Variants in MYO3B observed in about 807,000 individuals in gnomAD.
MYO3B encodes myosin IIIB.
A neutral mutation model predicts 174.6 loss-of-function variants in MYO3B; 156 were observed. That is an observed-to-expected ratio of 0.89 (90% CI 0.78 to 1.02). The LOEUF is 1.02. Ranked by LOEUF, MYO3B falls within the 50% of genes least tolerant of loss-of-function variation. The pLI, the probability that MYO3B is intolerant of heterozygous loss-of-function variation, is 0.00. For missense variants in MYO3B, 1,632 were observed against 1,639.4 expected (o/e 1.00, Z 0.08); for synonymous variants, 563 against 569.1 (o/e 0.99, Z 0.15).
Position 170,392,444 on chromosome 2 carries a change from A to G in MYO3B, c.1740A>G (p.Arg580=). The G allele has an allele frequency of 6.2e-7, 1 of 1,600,356 alleles. No individual in the cohort carries two copies. Among genetic ancestry groups the G allele is most frequent in the Non-Finnish European group, 8.5e-7 (1 of 1,171,586 alleles). Residue 580 remains arginine (R), a synonymous_variant, in exon 16 of 35, where the codon AGA becomes AGG. Transcript: ENST00000408978. Reference sequence around the variant, plus strand: ...TAACTTCCAAGGAGTCTTACAGAAGACAATTCGAAGCAATTCAGCATTGCT... The same window carrying G: ...TAACTTCCAAGGAGTCTTACAGAAGGCAATTCGAAGCAATTCAGCATTGCT... The part of the protein sequence containing the change: ...HDITSKESYR[R]QFEAIQHCFR...
intron 25 of MYO3B, among the ~76,000 whole-genome samples, chr2:170,480,273 C>T (rs535247882): frequency 7.2e-5 from 11 of 152,172 alleles, no homozygotes; most frequent in Middle Eastern, 6.8e-3. Flanking sequence ...ATAAGACCCT[C>T]CCCAGAGAGG....
intron 22 of MYO3B, among the ~76,000 whole-genome samples, chr2:170,411,324 G>A (rs546840804): frequency 2.0e-3 from 297 of 152,198 alleles, no homozygotes; most frequent in Non-Finnish European, 3.2e-3. Flanking sequence ...ACATCATAGA[G>A]TTCTTACACA....
At chr2:170,369,685 ATTT>A (rs56283055) in intron 9 of MYO3B, among the ~76,000 whole-genome samples, 722 of 147,230 alleles carry the variant, frequency 4.9e-3, no homozygotes, top group Admixed American at 5.2e-3. Context: ...AGAAATTTGG[ATTT>A]TTTTTTTTTT....
rs945645001 is a variant in MYO3B at position 170,519,370 on chromosome 2, G to A, written c.3473-68G>A. 1.1e-5 allele frequency: 14 copies of A among 1,252,440 alleles called. 1 individual carries two copies. The South Asian group carries it at 1.6e-4, about 15-fold the overall frequency. The allele number at this position is 1,252,440 out of a possible 1,614,324, so 77.6% of individuals were successfully genotyped here. A position where few individuals can be genotyped will look rare whatever the true frequency, so the allele number is the denominator to read the frequency against. On this transcript the variant is annotated intron_variant, in intron 29 of 34. Transcript: ENST00000408978. ...GGAGAGAAGGGCTGCAGAGAGTGTA[G>A]ATGGGCACCAAAAGCTAACCCTACC...
At position 170,214,423 on chromosome 2, in the gene MYO3B, C is replaced by T. The variant is rs767508093; in HGVS notation, c.366C>T (p.Leu122=). Residue 122 remains leucine (L), a synonymous_variant, in exon 4 of 35, where the codon CTC becomes CTT. Transcript: ENST00000408978. ...TCACTGAGCTTGTCAAAGGTCTACT[C>T]AGATGTGGCCAGCGGTTGGATGAAG... is the stretch of plus-strand genomic sequence containing the variant. ...GSVTELVKGL[L]RCGQRLDEAM... 1.9e-6 allele frequency: 3 copies of T among 1,614,170 alleles called. No homozygotes were observed. Among genetic ancestry groups the T allele is most frequent in the Non-Finnish European group, 2.5e-6 (3 of 1,180,018 alleles).
intron 8 of MYO3B, chr2:170,346,526 A>C (rs948270933): frequency 3.9e-5 from 6 of 152,092 alleles, no homozygotes; most frequent in African/African-American, 1.4e-4. Flanking sequence ...ATTAATATGA[A>C]ACCATAAAAC....
chr2:170,307,385 G>A (rs182146821), intron 7 of MYO3B, among the ~76,000 whole-genome samples: 241 of 151,656 alleles, frequency 1.6e-3, no homozygotes, highest in African/African-American at 5.5e-3. Flanking sequence ...AACAGATAAC[G>A]AATTGTGTCT....
At chr2:170,444,779 TA>T (rs1574989320) in intron 23 of MYO3B, among the ~76,000 whole-genome samples, 1 of 152,226 alleles carries the variant, frequency 6.6e-6, no homozygotes, top group African/African-American at 2.4e-5. Context: ...CATTTTTTGT[TA>T]AAAATAATTT....
intron 30 of MYO3B, among the ~76,000 whole-genome samples, chr2:170,536,113 A>G (rs1164186882): frequency 6.6e-6 from 1 of 152,230 alleles, no homozygotes; most frequent in African/African-American, 2.4e-5. Context: ...GGAAAAGAAA[A>G]CAAATGAGAA....
chr2:170,258,067 C>T (rs142936376), intron 7 of MYO3B, among the ~76,000 whole-genome samples: 2 of 152,030 alleles, frequency 1.3e-5, no homozygotes, highest in African/African-American at 2.4e-5. Flanking sequence ...AATTGAATCA[C>T]TATTTAAAAA....
intron 32 of MYO3B, among the ~76,000 whole-genome samples, chr2:170,598,250 G>A (rs186747992): frequency 2.4e-4 from 36 of 152,310 alleles, no homozygotes; most frequent in Admixed American, 3.9e-4. Context: ...GTATTCAAAT[G>A]GTTCTGTTTA....
At chr2:170,258,829 C>T (rs933492043) in intron 7 of MYO3B, among the ~76,000 whole-genome samples, 2 of 152,016 alleles carry the variant, frequency 1.3e-5, no homozygotes, top group African/African-American at 4.8e-5. Context: ...AAAGACTCCA[C>T]CTAAAAGGCT....
chr2:170,627,607 T>C (rs1357291938), intron 32 of MYO3B, among the ~76,000 whole-genome samples: 4 of 152,250 alleles, frequency 2.6e-5, no homozygotes, highest in Non-Finnish European at 5.9e-5. Context: ...GCTGTGTTCC[T>C]TTGGAAGAGG....
At position 170,580,624 on chromosome 2, in the gene MYO3B, C is replaced by T. The variant is rs1693070336; in HGVS notation, c.3733+36636C>T. Among the ~76,000 whole-genome samples the T allele has an allele frequency of 3.3e-5, 5 of 151,438 alleles. No individual in the cohort carries two copies. In the South Asian group the frequency reaches 1.0e-3, roughly 32 times the overall value. Reference sequence around the variant, plus strand: ...CTGCACTCCAGCCAGGGTGACAGAGCGAGATCCGTCTCAAAAACAAAAACA... The same window carrying T: ...CTGCACTCCAGCCAGGGTGACAGAGTGAGATCCGTCTCAAAAACAAAAACA... On this transcript the variant is annotated intron_variant, in intron 32 of 34. Transcript: ENST00000408978.
At chr2:170,577,108 TG>T (rs113905875) in intron 32 of MYO3B, among the ~76,000 whole-genome samples, 67,198 of 151,892 alleles carry the variant, frequency 0.44, 15,211 homozygotes, top group East Asian at 0.63. Context: ...GTGGAACCAT[TG>T]TTGCATCCCT....
intron 7 of MYO3B, among the ~76,000 whole-genome samples, chr2:170,285,097 A>G (rs2093544652): frequency 1.3e-5 from 2 of 152,140 alleles, no homozygotes; most frequent in South Asian, 4.1e-4. Flanking sequence ...ATCATACTTT[A>G]TCTATTAATA....
chr2:170,554,319 C>T (rs900969460), intron 32 of MYO3B, among the ~76,000 whole-genome samples: 1 of 152,290 alleles, frequency 6.6e-6, no homozygotes, highest in African/African-American at 2.4e-5. Context: ...GCCCCATTTC[C>T]CTTGAAAGAA....
intron 7 of MYO3B, among the ~76,000 whole-genome samples, chr2:170,305,012 A>C (rs1466494610): frequency 1.3e-5 from 2 of 151,754 alleles, no homozygotes; most frequent in Non-Finnish European, 2.9e-5. Context: ...TTCTGTCTCA[A>C]GATTTTAAAA....
At chr2:170,198,646 G>A (rs142519759) in intron 1 of MYO3B, among the ~76,000 whole-genome samples, 154 of 152,284 alleles carry the variant, frequency 1.0e-3, no homozygotes, top group Middle Eastern at 3.4e-3. Context: ...TTGGGAAGGT[G>A]AATTTCTGAC....
Sources: gnomAD v4.1 joint callset for allele counts (sites outside exome capture counted in the v4.1 genomes callset) on GRCh38, gnomAD v4.1.1 for gene constraint, MANE v1.5 for transcripts, NCBI Gene and HGNC (gene_info 2026-07-23, HGNC 2026-07-21) for gene names.